SNX29: variants seen among roughly 807,000 people sequenced by gnomAD.
The protein encoded by SNX29 is sorting nexin-29.
A neutral mutation model predicts 102.1 loss-of-function variants in SNX29; 78 were observed. That is an observed-to-expected ratio of 0.76 (90% CI 0.64 to 0.92). SNX29 has a LOEUF of 0.92. SNX29 is among the 40% of genes least tolerant of loss of function. SNX29 has a pLI of 0.00. For missense variants in SNX29, 1,280 were observed against 1,061.7 expected (o/e 1.21, Z -2.86); for synonymous variants, 580 against 414.5 (o/e 1.40, Z -4.85).
intron 11 of SNX29, among the ~76,000 whole-genome samples, chr16:12,123,900 G>A (rs550958303): frequency 1.6e-4 from 25 of 152,304 alleles, no homozygotes; most frequent in African/African-American, 5.1e-4. Flanking sequence ...GGGTGTGGCC[G>A]TGTTTGGGGA....
intron 11 of SNX29, among the ~76,000 whole-genome samples, chr16:12,103,556 G>T (rs2053107408): frequency 6.6e-6 from 1 of 152,186 alleles, no homozygotes; most frequent in Non-Finnish European, 1.5e-5. Context: ...ATGGATTAAA[G>T]ACTTAAATGT....
At chr16:12,376,926 A>C (rs2082896865) in intron 16 of SNX29, among the ~76,000 whole-genome samples, 1 of 151,910 alleles carries the variant, frequency 6.6e-6, no homozygotes, top group South Asian at 2.1e-4. Context: ...GGTTTGGGGA[A>C]CTTGGTTTCT....
chr16:12,130,102 T>TCAAAAA (rs1372610540), intron 13 of SNX29, among the ~76,000 whole-genome samples: 4 of 146,364 alleles, frequency 2.7e-5, no homozygotes, highest in Non-Finnish European at 4.5e-5. Flanking sequence ...AGACTCTGTC[T>TCAAAAA]CAAAAACAAA....
At chr16:12,027,967 G>C (rs377402734) in intron 4 of SNX29, among the ~76,000 whole-genome samples, 14 of 152,296 alleles carry the variant, frequency 9.2e-5, no homozygotes, top group African/African-American at 2.9e-4. Context: ...CATTCAGTTC[G>C]ATAGCCCTGT....
At chr16:12,393,412 G>GCATGCATGCATGCATT (rs1555527354) in intron 16 of SNX29, among the ~76,000 whole-genome samples, 5 of 138,376 alleles carry the variant, frequency 3.6e-5, no homozygotes, top group Admixed American at 7.1e-5. Flanking sequence ...ATGCATGCAT[G>GCATGCATGCATGCATT]CATTCATTCA....
At chr16:12,550,360 A>AC (rs1196145864) in intron 20 of SNX29, among the ~76,000 whole-genome samples, 1 of 151,802 alleles carries the variant, frequency 6.6e-6, no homozygotes, top group African/African-American at 2.4e-5. Flanking sequence ...CAAGAGGAAA[A>AC]CCCATCTCTA....
chr16:12,009,473 G>A (rs1281748477), intron 3 of SNX29, among the ~76,000 whole-genome samples: 1 of 139,744 alleles, frequency 7.2e-6, no homozygotes, highest in Non-Finnish European at 1.6e-5. Context: ...GTGTGTGTGT[G>A]TGTGTGTATA....
rs118056349 is a variant in SNX29, at chr16:12,098,342, C to G, written c.1402+19427C>G. Among the ~76,000 whole-genome samples the G allele has an allele frequency of 2.1e-3, 320 of 152,316 alleles. No homozygotes were observed. The highest frequency in any genetic ancestry group is 3.9e-3 in the South Asian group (19 of 4,822). On this transcript the variant is annotated intron_variant, in intron 11 of 20. Coordinates refer to ENST00000566228, the MANE Select transcript of SNX29 (RefSeq NM_032167.5). This position sits in a 1 kb window ranked among gnomAD's most constrained non-coding sequence, Gnocchi z 6.0. The stretch of plus-strand genomic sequence containing the variant: ...TACCGTAAAGGATTTCTCTTCCACT[C>G]CCACATCAGCCACCTTGCTCCCCGT...
At chr16:12,378,556 G>C (rs2082962608) in intron 16 of SNX29, among the ~76,000 whole-genome samples, 1 of 152,192 alleles carries the variant, frequency 6.6e-6, no homozygotes, top group South Asian at 2.1e-4. Flanking sequence ...GGGTGAGTCA[G>C]GAGAATCATT....
chr16:12,462,595 C>CAA (rs2086856309), intron 18 of SNX29, among the ~76,000 whole-genome samples: 2 of 144,764 alleles, frequency 1.4e-5, no homozygotes, highest in African/African-American at 5.7e-5. Flanking sequence ...TTTCATTATA[C>CAA]ACACACACAC....
In SNX29 at chr16:11,990,823, G is replaced by A. The variant is rs372565506; in HGVS notation, c.8-8474G>A. 7.9e-5 allele frequency among the ~76,000 whole-genome samples: 12 copies of A among 152,274 alleles called. No homozygotes were observed. In the South Asian group the frequency reaches 2.3e-3, roughly 29 times the overall value. On this transcript the variant is annotated intron_variant, in intron 1 of 20. Transcript: ENST00000566228. The stretch of plus-strand genomic sequence containing the variant: ...AACTCTCACGTTTAACCATCTAACC[G>A]CACGGTGGCTGTAAGGTCTACAAAC...
At chr16:12,349,135 C>T (rs2081917650) in intron 15 of SNX29, among the ~76,000 whole-genome samples, 1 of 152,220 alleles carries the variant, frequency 6.6e-6, no homozygotes, top group African/African-American at 2.4e-5. Context: ...TTAGACAGGC[C>T]ACTTGCCCCC....
chr16:12,157,451 G>A (rs1177645667), intron 13 of SNX29, among the ~76,000 whole-genome samples: 1 of 152,132 alleles, frequency 6.6e-6, no homozygotes, highest in Non-Finnish European at 1.5e-5. Context: ...TTCTCTTATT[G>A]CCCAGGGCGG....
chr16:12,177,853 C>A (rs1421488651), intron 13 of SNX29, among the ~76,000 whole-genome samples: 3 of 152,162 alleles, frequency 2.0e-5, no homozygotes, highest in Admixed American at 6.5e-5. Flanking sequence ...AGCAGTCCGA[C>A]AATCAGATGA....
chr16:12,251,806 C>T (rs1314933452), intron 14 of SNX29, among the ~76,000 whole-genome samples: 1 of 151,522 alleles, frequency 6.6e-6, no homozygotes, highest in Non-Finnish European at 1.5e-5. Context: ...GTCACCCAGG[C>T]TGGAGTGTGG....
At chr16:12,524,491 T>A (rs1034016184) in intron 19 of SNX29, among the ~76,000 whole-genome samples, 2 of 151,298 alleles carry the variant, frequency 1.3e-5, no homozygotes, top group African/African-American at 4.9e-5. Flanking sequence ...TGGACCTGCT[T>A]TTCCTCCACT....
chr16:12,028,166 C>A (rs1480795955), intron 4 of SNX29, among the ~76,000 whole-genome samples: 3 of 152,208 alleles, frequency 2.0e-5, no homozygotes, highest in African/African-American at 7.2e-5. Flanking sequence ...TTTCTTATCA[C>A]TATGTCAGTG....
chr16:12,461,986 T>TATATATATATATATAA (rs1567587973), intron 18 of SNX29, among the ~76,000 whole-genome samples: 3 of 54,538 alleles, frequency 5.5e-5, no homozygotes, highest in Non-Finnish European at 8.9e-5. Flanking sequence ...AAAATATATA[T>TATATATATATATATAA]ATATATATAT....
At chr16:12,158,850 G>GT (rs2055664440) in intron 13 of SNX29, among the ~76,000 whole-genome samples, 1 of 152,208 alleles carries the variant, frequency 6.6e-6, no homozygotes, top group East Asian at 1.9e-4. Context: ...GTGCTTGTCT[G>GT]TTTAAGTATT....
Sources: gnomAD v4.1 joint callset for allele counts (sites outside exome capture counted in the v4.1 genomes callset) on GRCh38, gnomAD v4.1.1 for gene constraint, Gnocchi (gnomAD v3.1) non-coding constraint, MANE v1.5 for transcripts, NCBI Gene and HGNC (gene_info 2026-07-23, HGNC 2026-07-21) for gene names.